Variants in KCNIP4 observed in about 807,000 individuals in gnomAD.
KCNIP4 encodes Kv channel-interacting protein 4.
Under a neutral mutation model 34.0 loss-of-function variants are expected in KCNIP4, and 12 were observed. That is an observed-to-expected ratio of 0.35 (90% confidence interval 0.23 to 0.57). The LOEUF is 0.57. KCNIP4 is among the 20% of genes least tolerant of loss of function. The pLI is 0.83. For synonymous variants in KCNIP4, 124 were observed against 102.2 expected, an observed-to-expected ratio of 1.21 and a Z score of -1.29; for missense variants, 238 against 311.7, an observed-to-expected ratio of 0.76 and a Z score of 1.78.
chr4:20,753,384 G>A lies in KCNIP4; in HGVS notation c.359-3652C>T, dbSNP rs1753975503. 2.0e-5 allele frequency among the ~76,000 whole-genome samples: 3 copies of A among 152,200 alleles called. No individual in the cohort carries two copies. The South Asian group carries it at 6.2e-4, about 32-fold the overall frequency. ...AGGCTAAGAAAAGTAAACTACTCGA[G>A]GTTACATACCTTGGTGGTGGCAGTC... On this transcript the variant is annotated intron_variant, in intron 4 of 8. Coordinates refer to ENST00000382152, the MANE Select transcript of KCNIP4 (RefSeq NM_025221.6).
At chr4:21,363,011 T>C (rs1296036320) in intron 1 of KCNIP4, among the ~76,000 whole-genome samples, 4 of 152,164 alleles carry the variant, frequency 2.6e-5, no homozygotes, top group African/African-American at 9.6e-5. Flanking sequence ...AAGTACTAAG[T>C]ACTTTATACA....
At chr4:21,329,732 G>T (rs1715432369) in intron 1 of KCNIP4, among the ~76,000 whole-genome samples, 1 of 152,146 alleles carries the variant, frequency 6.6e-6, no homozygotes, top group African/African-American at 2.4e-5. Context: ...AAAAGAAAGA[G>T]CACTCCAAGA....
chr4:20,967,366 G>T (rs1014182884), intron 1 of KCNIP4, among the ~76,000 whole-genome samples: 1 of 152,020 alleles, frequency 6.6e-6, no homozygotes, highest in Non-Finnish European at 1.5e-5. Flanking sequence ...AAGGTAATTT[G>T]TAGATTCAAT....
rs917003620 is a variant in KCNIP4 at position 21,844,042 on chromosome 4, C to T, written c.61+104529G>A. On this transcript the variant is annotated intron_variant, in intron 1 of 8. Transcript: ENST00000382152. ...ATAAATGAGTTCTCACCACAGAGAG[C>T]TTGCAATGCATTCACTCACTCACTC... is the stretch of plus-strand genomic sequence containing the variant. The T allele has an allele frequency of 9.9e-5, 15 of 151,870 alleles. No homozygotes were observed. In the South Asian group the frequency reaches 1.5e-3, roughly 15 times the overall value. 9.4% of individuals were successfully genotyped at this position (151,870 alleles called of 1,614,324 possible).
chr4:21,607,446 A>C lies in KCNIP4; in HGVS notation c.61+341125T>G, dbSNP rs535184404. ...TTCAGACTTAGGAGAATTTGATTGC[A>C]GCTATCAACAATAGACACTTACAAG... On this transcript the variant is annotated intron_variant, in intron 1 of 8. Transcript: ENST00000382152. Among the ~76,000 whole-genome samples, 10 of 152,218 alleles carry C rather than the reference A, an allele frequency of 6.6e-5. No homozygotes were observed. The East Asian group carries it at 2.0e-3, about 30-fold the overall frequency.
chr4:21,632,796 C>T (rs563948875), intron 1 of KCNIP4, among the ~76,000 whole-genome samples: 1 of 152,062 alleles, frequency 6.6e-6, no homozygotes, highest in Non-Finnish European at 1.5e-5. Context: ...AGATGGAGGT[C>T]CAGCGTAAAG....
chr4:21,463,897 G>A (rs190022945), intron 1 of KCNIP4, among the ~76,000 whole-genome samples: 1 of 152,140 alleles, frequency 6.6e-6, no homozygotes, highest in Admixed American at 6.6e-5. Flanking sequence ...CTTGTAATAA[G>A]TTTATTCAGA....
rs757361979 is a variant in KCNIP4 at position 20,734,750 on chromosome 4, AAATTC to A, written c.430-20_430-16del. 2.7e-6 allele frequency: 4 copies of A among 1,457,326 alleles called. No homozygotes were observed. Among genetic ancestry groups the A allele is most frequent in the Non-Finnish European group, 3.8e-6 (4 of 1,065,216 alleles). 90.3% of individuals were successfully genotyped at this position (1,457,326 alleles called of 1,614,324 possible). A position where few individuals can be genotyped will look rare whatever the true frequency, so the allele number is the denominator to read the frequency against. On this transcript the variant is annotated splice_polypyrimidine_tract_variant and intron_variant, in intron 5 of 8. Coordinates refer to ENST00000382152, the MANE Select transcript of KCNIP4 (RefSeq NM_025221.6). ...TTGATGAAATCCTGAAAAGAAATAA[AAATTC>A]AATTTTATATGACATTTTTAAAAAA... is the stretch of plus-strand genomic sequence containing the variant.
rs141821804 is a variant in KCNIP4 at position 20,756,862 on chromosome 4, CAT to C, written c.358+1957_358+1958del. 2.3e-3 allele frequency among the ~76,000 whole-genome samples: 355 copies of C among 152,142 alleles called. 8 individuals carry two copies. The South Asian group carries it at 0.046, about 20-fold the overall frequency. ...GATCCCTTTTCCTTATGGTTCTTGA[CAT>C]GTGTTCTGGAGTTTCATGCTGGCCT... On this transcript the variant is annotated intron_variant, in intron 4 of 8. Coordinates refer to ENST00000382152, the MANE Select transcript of KCNIP4 (RefSeq NM_025221.6).
chr4:21,169,100 A>C (rs55848414), intron 1 of KCNIP4, among the ~76,000 whole-genome samples: 2 of 152,164 alleles, frequency 1.3e-5, no homozygotes, highest in African/African-American at 4.8e-5. Context: ...ATGTTAAGTC[A>C]ACCTATAGCT....
At chr4:21,841,174 A>T (rs1481792392) in intron 1 of KCNIP4, among the ~76,000 whole-genome samples, 1 of 152,166 alleles carries the variant, frequency 6.6e-6, no homozygotes, top group Non-Finnish European at 1.5e-5. Context: ...CTTTCTTACA[A>T]TTCTCATAAT....
chr4:21,630,017 ATTTTT>A (rs34714303), intron 1 of KCNIP4, among the ~76,000 whole-genome samples: 2 of 120,216 alleles, frequency 1.7e-5, no homozygotes, highest in Non-Finnish European at 1.8e-5. Flanking sequence ...CAGCTGGCTA[ATTTTT>A]TTTTTTTTTT....
chr4:21,403,779 C>T (rs1327609300), intron 1 of KCNIP4, among the ~76,000 whole-genome samples: 1 of 152,150 alleles, frequency 6.6e-6, no homozygotes, highest in Admixed American at 6.5e-5. Context: ...GCTCTCCTTC[C>T]AAGAGGGTGC....
intron 1 of KCNIP4, among the ~76,000 whole-genome samples, chr4:21,613,088 G>A (rs1315408505): frequency 6.6e-6 from 1 of 152,106 alleles, no homozygotes; most frequent in East Asian, 1.9e-4. Flanking sequence ...CACCAAGTTG[G>A]AACATGAGGG....
chr4:21,825,540 A>T (rs774443599), intron 1 of KCNIP4, among the ~76,000 whole-genome samples: 7 of 152,158 alleles, frequency 4.6e-5, no homozygotes, highest in African/African-American at 7.2e-5. Context: ...CACTCAAAGG[A>T]TAATTAGAAT....
At chr4:21,392,737 C>A (rs532189503) in intron 1 of KCNIP4, among the ~76,000 whole-genome samples, 1 of 152,190 alleles carries the variant, frequency 6.6e-6, no homozygotes, top group East Asian at 1.9e-4. Context: ...CAAAGAGAGT[C>A]ATCTGAAATT....
chr4:21,540,409 T>C (rs572666160), intron 1 of KCNIP4, among the ~76,000 whole-genome samples: 3 of 152,294 alleles, frequency 2.0e-5, no homozygotes, highest in Non-Finnish European at 4.4e-5. Flanking sequence ...GAGCCACAGC[T>C]AAAATTGTGA....
chr4:21,124,870 C>T (rs779888674), intron 1 of KCNIP4, among the ~76,000 whole-genome samples: 14 of 152,054 alleles, frequency 9.2e-5, no homozygotes, highest in Non-Finnish European at 1.6e-4. Flanking sequence ...ATCTCAACTC[C>T]ATTCAGCTAC....
chr4:21,694,465 A>C (rs1389670163), intron 1 of KCNIP4, among the ~76,000 whole-genome samples: 1 of 152,198 alleles, frequency 6.6e-6, no homozygotes, highest in Non-Finnish European at 1.5e-5. Flanking sequence ...TGATAAATAC[A>C]GACATTATAT....
Sources: gnomAD v4.1 joint callset for allele counts (sites outside exome capture counted in the v4.1 genomes callset) on GRCh38, gnomAD v4.1.1 for gene constraint, MANE v1.5 for transcripts, NCBI Gene and HGNC (gene_info 2026-07-23, HGNC 2026-07-21) for gene names.